Variants in PHF8 observed in about 807,000 individuals in gnomAD.
PHF8 encodes the protein PHD finger protein 8, also known as histone lysine demethylase PHF8.
PHF8 carries 9 observed loss-of-function variants against 74.4 expected under a neutral mutation model. The ratio of observed to expected loss-of-function variants is 0.12; its 90% CI spans 0.07 to 0.21. The LOEUF is 0.21. PHF8 is among the 10% of genes least tolerant of loss of function. The pLI, the probability that PHF8 is intolerant of heterozygous loss-of-function variation, is 1.00. For synonymous variants in PHF8, 311 were observed against 316.6 expected, an observed-to-expected ratio of 0.98 and a Z score of 0.19; for missense variants, 478 against 816.6, an observed-to-expected ratio of 0.59 and a Z score of 5.05.
chrX:54,044,153 T>C lies in PHF8; in HGVS notation c.-484A>G, dbSNP rs1281161195. On this transcript the variant is annotated 5_prime_UTR_variant, in exon 1 of 22. Transcript: ENST00000338154. ...GTTCGGGCCTACTGGAGACCGCGGCTTGGGCCTAGTCTGGCGGCCGCCCGG... is the reference window on the plus strand; with the variant it reads ...GTTCGGGCCTACTGGAGACCGCGGCCTGGGCCTAGTCTGGCGGCCGCCCGG... 1 of 754,054 alleles carries C rather than the reference T, an allele frequency of 1.3e-6. No individual in the cohort carries two copies. The highest frequency in any genetic ancestry group is 1.6e-6 in the Non-Finnish European group (1 of 639,323). The allele number at this position is 754,054 out of a possible 1,213,427, so 62.1% of individuals were successfully genotyped here.
At chrX:53,986,510 G>A (rs1407580974) in intron 16 of PHF8, among the ~76,000 whole-genome samples, 1 of 112,775 alleles carries the variant, frequency 8.9e-6, no homozygotes, top group Non-Finnish European at 1.9e-5. Flanking sequence ...TGGGATTACA[G>A]GCGTGAGCCA....
At chrX:54,042,560 G>A (rs2066577802) in intron 2 of PHF8, 71 bp downstream of exon 2, 2 of 932,691 alleles carry the variant, frequency 2.1e-6, no homozygotes, top group Non-Finnish European at 1.5e-6. Context: ...AAACAGAGCT[G>A]AGAAAGGAAG....
intron 16 of PHF8, 81 bp downstream of exon 16, chrX:53,986,997 A>G (rs977334782): frequency 3.4e-6 from 2 of 591,025 alleles, no homozygotes; most frequent in Non-Finnish European, 3.0e-6. Context: ...CTCCCTGCAT[A>G]TCCCCCAACT....
chrX:54,016,806 C>A (rs1557108345), intron 5 of PHF8, 70 bp from the exon 6 acceptor site: 1 of 872,966 alleles, frequency 1.1e-6, no homozygotes, highest in African/African-American at 2.0e-5. Context: ...GTCCCCTCAT[C>A]AGTCCCTAGA....
chrX:54,034,410 A>G (rs1435790544), intron 2 of PHF8, among the ~76,000 whole-genome samples: 1 of 111,980 alleles, frequency 8.9e-6, no homozygotes, highest in Admixed American at 9.5e-5. Context: ...CGCTGAGATA[A>G]AAGAACTAGA....
intron 6 of PHF8, among the ~76,000 whole-genome samples, 193 bp downstream of exon 6, chrX:54,016,402 G>A (rs782637688): frequency 9.2e-6 from 1 of 108,842 alleles, no homozygotes; most frequent in African/African-American, 3.4e-5. Flanking sequence ...GCTGAGGCAG[G>A]AGAATTGCTT....
rs993263530 is a variant in PHF8 at position 54,042,736 on chromosome X, C to G, written c.-8G>C. The G allele has an allele frequency of 1.7e-6, 2 of 1,204,613 alleles. No homozygotes were observed. The highest frequency in any genetic ancestry group is 6.0e-5 in the East Asian group (2 of 33,572). On this transcript the variant is annotated 5_prime_UTR_variant, in exon 2 of 22. Transcript: ENST00000338154. ...CACCGGCACCGAGGCCATCTTCGCTCGGCCCTGGAGCGTTCTGCGGCCGGC... is the reference window on the plus strand; with the variant it reads ...CACCGGCACCGAGGCCATCTTCGCTGGGCCCTGGAGCGTTCTGCGGCCGGC...
intron 20 of PHF8, among the ~76,000 whole-genome samples, chrX:53,941,036 A>T (rs782507598): frequency 6.2e-5 from 7 of 112,243 alleles, no homozygotes; most frequent in Admixed American, 3.8e-4. Flanking sequence ...CTGAAGAGAC[A>T]CCTTGCAAAC....
At chrX:53,995,911 T>C in intron 11 of PHF8, 129 bp from the exon 12 acceptor site, 2 of 424,459 alleles carry the variant, frequency 4.7e-6, no homozygotes, top group Non-Finnish European at 4.1e-6. Context: ...CAATTGGATA[T>C]CCACATGCAA....
In PHF8 at chrX:53,938,695, G is replaced by A. The variant is rs782695831; in HGVS notation, c.*463C>T. The stretch of plus-strand genomic sequence containing the variant: ...GAGGTGGGGCATGTCCACTGGACTG[G>A]GGAAATGGGGCAAACAGAATGGGTG... On this transcript the variant is annotated 3_prime_UTR_variant, in exon 22 of 22. Transcript: ENST00000338154. The A allele has an allele frequency of 2.6e-6, 2 of 758,053 alleles. No individual in the cohort carries two copies. Among genetic ancestry groups the A allele is most frequent in the South Asian group, 6.7e-5 (1 of 14,832 alleles). The allele number at this position is 758,053 out of a possible 1,213,427, so 62.5% of individuals were successfully genotyped here. A position where few individuals can be genotyped will look rare whatever the true frequency, so the allele number is the denominator to read the frequency against.
In PHF8 at chrX:54,017,577, T is replaced by G. The variant is rs1390669159; in HGVS notation, c.454+84A>C. The G allele has an allele frequency of 2.3e-5, 20 of 868,682 alleles. No homozygotes were observed. The Admixed American group carries it at 4.7e-4, about 20-fold the overall frequency. 71.6% of individuals were successfully genotyped at this position (868,682 alleles called of 1,213,427 possible). A position where few individuals can be genotyped will look rare whatever the true frequency, so the allele number is the denominator to read the frequency against. The stretch of plus-strand genomic sequence containing the variant: ...ATTCCCAAGATGGTTACAGAGGAAA[T>G]GCAAAAACAGATTGGAGGGGAAGGG... On this transcript the variant is annotated intron_variant, in intron 5 of 21. Coordinates refer to ENST00000338154, the MANE Select transcript of PHF8 (RefSeq NM_015107.3).
At chrX:53,949,339 A>C (rs887413396) in intron 19 of PHF8, among the ~76,000 whole-genome samples, 2 of 111,233 alleles carry the variant, frequency 1.8e-5, no homozygotes, top group African/African-American at 6.5e-5. Context: ...TGTCTCAAAA[A>C]ATAAAATAAA....
At chrX:53,952,227 T>C (rs146762909) in intron 19 of PHF8, among the ~76,000 whole-genome samples, 1 of 106,269 alleles carries the variant, frequency 9.4e-6, no homozygotes, top group East Asian at 3.0e-4. Context: ...GAGGTTATAA[T>C]GAGCTGAAAT....
At chrX:54,031,493 T>C (rs894886957) in intron 2 of PHF8, among the ~76,000 whole-genome samples, 1 of 108,676 alleles carries the variant, frequency 9.2e-6, no homozygotes, top group Non-Finnish European at 1.9e-5. Context: ...CTTTATGAGT[T>C]TGTCATATAA....
chrX:53,958,648 T>C (rs1557089622), intron 19 of PHF8, among the ~76,000 whole-genome samples: 1 of 105,034 alleles, frequency 9.5e-6, no homozygotes, highest in Non-Finnish European at 2.0e-5. Flanking sequence ...TGGTGGCGGG[T>C]GCCTGTAGTC....
intron 2 of PHF8, among the ~76,000 whole-genome samples, chrX:54,039,133 C>CAAAA (rs61507959): frequency 7.0e-5 from 3 of 42,600 alleles, no homozygotes; most frequent in African/African-American, 1.5e-4. Context: ...GACTCTGTCT[C>CAAAA]AAAAAAAAAA....
chrX:53,945,595 T>A (rs1293688876), intron 19 of PHF8, among the ~76,000 whole-genome samples: 2 of 111,247 alleles, frequency 1.8e-5, no homozygotes, highest in African/African-American at 6.5e-5. Flanking sequence ...CATATTCTGC[T>A]TCTGGCCCAC....
intron 20 of PHF8, 146 bp from the exon 21 acceptor site, chrX:53,940,662 A>C: frequency 2.1e-6 from 1 of 478,839 alleles, no homozygotes; most frequent in Non-Finnish European, 3.7e-6. Flanking sequence ...GGATGTACAC[A>C]CAGCACATAA....
In PHF8 at chrX:54,027,984, C is replaced by CCACACACACACA. The variant is rs782177087; in HGVS notation, c.99-5153_99-5142dup. On this transcript the variant is annotated intron_variant, in intron 2 of 21. Transcript: ENST00000338154. ...ATGTGTGAATATATAACTATACACA[C>CCACACACACACA]CACACACACACACACACACACACAC... Among the ~76,000 whole-genome samples the CCACACACACACA allele has an allele frequency of 4.8e-3, 462 of 96,492 alleles. 2 individuals carry two copies. The highest frequency in any genetic ancestry group is 6.8e-3 in the Non-Finnish European group (325 of 47,865). The allele number at this position is 96,492 out of a possible 115,157, so 83.8% of individuals were successfully genotyped here. A position where few individuals can be genotyped will look rare whatever the true frequency, so the allele number is the denominator to read the frequency against.
Sources: gnomAD v4.1 joint callset for allele counts (sites outside exome capture counted in the v4.1 genomes callset) on GRCh38, gnomAD v4.1.1 for gene constraint, MANE v1.5 for transcripts, NCBI Gene and HGNC (gene_info 2026-07-23, HGNC 2026-07-21) for gene names.